Variants in CFAP92 observed in about 807,000 individuals in gnomAD.
The protein encoded by CFAP92 is cilia and flagella associated protein 92 (putative).
A neutral mutation model predicts 106.3 loss-of-function variants in CFAP92; 86 were observed. That is an observed-to-expected ratio of 0.81 (90% CI 0.68 to 0.97). CFAP92 has a LOEUF of 0.97. Among genes scored for constraint, CFAP92 ranks in the 50% least tolerant of loss-of-function variants. The pLI, the probability that CFAP92 is intolerant of heterozygous loss-of-function variation, is 0.00. For synonymous variants in CFAP92, 477 were observed against 506.4 expected (o/e 0.94, Z 0.78); for missense variants, 1,204 against 1,283.8 (o/e 0.94, Z 0.95).
chr3:128,939,544 T>C (rs1450838491), intron 10 of CFAP92, among the ~76,000 whole-genome samples: 1 of 150,554 alleles, frequency 6.6e-6, no homozygotes, highest in African/African-American at 2.5e-5. Context: ...ACCACCACCA[T>C]CATCAATTTT....
the CFAP92 span, among the ~76,000 whole-genome samples, chr3:129,019,152 T>C: frequency 6.6e-6 from 1 of 152,256 alleles, no homozygotes; most frequent in Non-Finnish European, 1.5e-5. Flanking sequence ...TGTAATCAGG[T>C]TCACCAAATT....
At position 128,910,353 on chromosome 3, in the gene CFAP92, G is replaced by A. The variant is rs1217394949; in HGVS notation, c.3281-20C>T. ...TCCTGACTGAGAGAAGAGGGGGTGAGTGACAGGGGTTCCTGATCCCAGTGC... is the reference window on the plus strand; with the variant it reads ...TCCTGACTGAGAGAAGAGGGGGTGAATGACAGGGGTTCCTGATCCCAGTGC... On this transcript the variant is annotated intron_variant, in intron 15 of 15. Transcript: ENST00000645291. The A allele has an allele frequency of 6.8e-7, 1 of 1,466,934 alleles. No individual in the cohort carries two copies. The allele number at this position is 1,466,934 out of a possible 1,614,324, so 90.9% of individuals were successfully genotyped here. A position where few individuals can be genotyped will look rare whatever the true frequency, so the allele number is the denominator to read the frequency against.
intron 10 of CFAP92, among the ~76,000 whole-genome samples, chr3:128,940,503 G>T (rs951008239): frequency 1.3e-5 from 2 of 152,032 alleles, no homozygotes; most frequent in Admixed American, 1.3e-4. Context: ...TTGGACTTTT[G>T]GTTTCTACCC....
chr3:128,918,124 A>G (rs1936965825), intron 12 of CFAP92, among the ~76,000 whole-genome samples: 1 of 152,206 alleles, frequency 6.6e-6, no homozygotes, highest in African/African-American at 2.4e-5. Flanking sequence ...AAGCAAACTA[A>G]TTGTGAGGGC....
chr3:128,984,248 A>G (rs2063475016), intron 4 of CFAP92, among the ~76,000 whole-genome samples: 1 of 152,212 alleles, frequency 6.6e-6, no homozygotes, highest in South Asian at 2.1e-4. Context: ...AGGAATGCAA[A>G]GTATTGATCC....
At chr3:129,012,065 A>G in the CFAP92 span, among the ~76,000 whole-genome samples, 2 of 152,174 alleles carry the variant, frequency 1.3e-5, no homozygotes, top group African/African-American at 4.8e-5. Context: ...GGCAGCCACA[A>G]AGGACATGGG....
chr3:128,993,149 G>A lies in CFAP92; in HGVS notation c.156C>T (p.Cys52=). 3 of 1,614,086 alleles carry A rather than the reference G, an allele frequency of 1.9e-6. No individual in the cohort carries two copies. The highest frequency in any genetic ancestry group is 2.5e-6 in the Non-Finnish European group (3 of 1,179,904). Residue 52 remains cysteine (C), a synonymous_variant, in exon 2 of 16, where the codon TGC becomes TGT. Coordinates refer to ENST00000645291, the MANE Select transcript of CFAP92 (RefSeq NM_001394090.1). ...RAQESDSDRP[C]SSIESSSEPA... is the part of the protein sequence containing the mutation. ...GCTCAGATGAGGACTCGATGCTGCT[G>A]CACGGGCGGTCAGAGTCAGACTCCT...
At chr3:128,913,161 G>T (rs1258979824) in intron 15 of CFAP92, 3 of 416,062 alleles carry the variant, frequency 7.2e-6, no homozygotes, top group Non-Finnish European at 1.5e-5. Context: ...AGCCTTTAAT[G>T]GGTGACAGCA....
At chr3:129,015,422 G>C in the CFAP92 span, among the ~76,000 whole-genome samples, 218 of 152,174 alleles carry the variant, frequency 1.4e-3, 1 homozygote, top group African/African-American at 3.5e-3. Flanking sequence ...GCTCCTTCGG[G>C]GGGGGAGGTT....
At chr3:129,020,910 C>G in the CFAP92 span, among the ~76,000 whole-genome samples, 100 of 152,316 alleles carry the variant, frequency 6.6e-4, 1 homozygote, top group African/African-American at 2.3e-3. Context: ...TCCAAACCCA[C>G]AGGGGTGGGC....
At chr3:128,934,296 T>C (rs9289335) in intron 11 of CFAP92, among the ~76,000 whole-genome samples, 13,009 of 152,210 alleles carry the variant, frequency 0.085, 1,521 homozygotes, top group African/African-American at 0.27. Context: ...CTCGGCTCAC[T>C]GCAACCTCCA....
upstream of CFAP92, chr3:129,003,451 C>T: frequency 4.0e-6 from 1 of 249,444 alleles, no homozygotes; most frequent in Non-Finnish European, 6.4e-6. Flanking sequence ...CGCCACCCGG[C>T]AGGCTGAACG....
rs1401890542 is a variant in CFAP92, at chr3:128,945,166, A to T, written c.2163T>A (p.Thr721=). 3 of 1,536,084 alleles carry T rather than the reference A, an allele frequency of 2.0e-6. No homozygotes were observed. The African/African-American group carries it at 4.1e-5, about 21-fold the overall frequency. ...VQEQQHLDVL[T]GFHLLDGKTH... is the part of the protein sequence containing the mutation. ...TCTTCCCGTCCAGCAGGTGGAAGCC[A>T]GTGAGCACATCCAGGTGCTGCTGCT... Residue 721 remains threonine, a synonymous_variant, in exon 10 of 16, where the codon ACT becomes ACA. Coordinates refer to ENST00000645291, the MANE Select transcript of CFAP92 (RefSeq NM_001394090.1).
At chr3:128,920,851 T>C (rs966853961) in intron 12 of CFAP92, among the ~76,000 whole-genome samples, 4 of 152,224 alleles carry the variant, frequency 2.6e-5, no homozygotes, top group Admixed American at 2.6e-4. Context: ...GCTCCTTGCT[T>C]CTAGCACTCC....
At chr3:128,921,777 C>G (rs1937308619) in intron 12 of CFAP92, among the ~76,000 whole-genome samples, 2 of 152,190 alleles carry the variant, frequency 1.3e-5, no homozygotes, top group South Asian at 4.1e-4. Context: ...GGGCCTGCCT[C>G]AGGCCCCTCA....
At chr3:128,978,332 A>G (rs901663568) in intron 4 of CFAP92, 147 bp from the exon 5 acceptor site, 2 of 729,892 alleles carry the variant, frequency 2.7e-6, no homozygotes, top group Admixed American at 2.9e-5. Flanking sequence ...GTCATACATT[A>G]TCTTCCCAGT....
At chr3:128,915,008 T>C in intron 15 of CFAP92, 111 bp downstream of exon 15, 1 of 1,057,764 alleles carries the variant, frequency 9.5e-7, no homozygotes, top group Non-Finnish European at 1.3e-6. Flanking sequence ...GCATAGAAAG[T>C]TTGGTTGATA....
intron 7 of CFAP92, among the ~76,000 whole-genome samples, chr3:128,972,033 C>G (rs985920144): frequency 2.0e-5 from 3 of 152,160 alleles, no homozygotes; most frequent in African/African-American, 7.2e-5. Context: ...GGAACAGACC[C>G]AAACACATAG....
intron 9 of CFAP92, among the ~76,000 whole-genome samples, chr3:128,961,209 G>C (rs1941886866): frequency 1.3e-5 from 2 of 152,092 alleles, no homozygotes; most frequent in Non-Finnish European, 2.9e-5. Flanking sequence ...CGTAAAATAG[G>C]CAAACGGTCT....
Sources: allele counts gnomAD v4.1 joint callset (sites outside exome capture counted in the v4.1 genomes callset), GRCh38; gene constraint gnomAD v4.1.1; transcripts MANE v1.5; gene names NCBI Gene and HGNC (gene_info 2026-07-23, HGNC 2026-07-21).